The following VTI1A variants were observed in gnomAD, a reference collection of about 807,000 sequenced individuals.
VTI1A encodes vesicle transport through interaction with t-SNAREs homolog 1A.
In VTI1A, 22 loss-of-function variants were observed where a neutral mutation model predicts 34.9. That is an observed-to-expected ratio of 0.63 (90% CI 0.45 to 0.90). VTI1A has a LOEUF of 0.90. Ranked by LOEUF, VTI1A falls within the 40% of genes least tolerant of loss-of-function variation. VTI1A has a pLI of 0.00. For synonymous variants in VTI1A, 87 were observed against 97.3 expected (o/e 0.89, Z 0.62); for missense variants, 268 against 275.6 (o/e 0.97, Z 0.20).
chr10:112,541,237 T>C (rs1367548081), intron 5 of VTI1A, among the ~76,000 whole-genome samples: 3 of 152,188 alleles, frequency 2.0e-5, no homozygotes, highest in Admixed American at 2.0e-4. Context: ...TAGCCTGATA[T>C]ACTGAATTGG....
rs149102977 is a variant in VTI1A at position 112,636,088 on chromosome 10, G to A, written c.428-32130G>A. Among the ~76,000 whole-genome samples the A allele has an allele frequency of 8.9e-4, 135 of 152,338 alleles. 1 individual carries two copies. The East Asian group carries it at 0.025, about 28-fold the overall frequency. On this transcript the variant is annotated intron_variant, in intron 5 of 7. Coordinates refer to ENST00000393077, the MANE Select transcript of VTI1A (RefSeq NM_145206.4). ...TATGGGTTGAGATGAGGCAGCACCT[G>A]CAAGGGAGAGAGATCCGAGGGTTGG...
chr10:112,794,158 T>G (rs765166277), intron 7 of VTI1A, among the ~76,000 whole-genome samples: 2 of 152,162 alleles, frequency 1.3e-5, no homozygotes, highest in Non-Finnish European at 2.9e-5. Flanking sequence ...ATTTTCTGAT[T>G]ATAGAAACAG....
At chr10:112,811,683 CAAAAAAAAAAAAAAAAAAA>C (rs869030543) in intron 7 of VTI1A, among the ~76,000 whole-genome samples, 1 of 11,826 alleles carries the variant, frequency 8.5e-5, no homozygotes, top group Admixed American at 1.5e-3. Flanking sequence ...GACTCCGTCT[CAAAAAAAAAAAAAAAAAAA>C]AAAAAAAAAA....
At chr10:112,669,424 G>A (rs1346239059) in intron 7 of VTI1A, among the ~76,000 whole-genome samples, 5 of 152,246 alleles carry the variant, frequency 3.3e-5, no homozygotes, top group African/African-American at 1.2e-4. Context: ...AAGTGACGCT[G>A]TTTGGGGAAA....
At chr10:112,845,647 G>C in the VTI1A span, among the ~76,000 whole-genome samples, 1 of 152,318 alleles carries the variant, frequency 6.6e-6, no homozygotes, top group South Asian at 2.1e-4. Flanking sequence ...AGCCTCCGCG[G>C]GAGGAGGAGG....
intron 7 of VTI1A, among the ~76,000 whole-genome samples, chr10:112,711,439 C>T (rs1849412635): frequency 6.6e-6 from 1 of 152,166 alleles, no homozygotes; most frequent in Non-Finnish European, 1.5e-5. Flanking sequence ...TTTATTTAGC[C>T]TATTAAATGA....
chr10:112,546,884 G>A (rs1404064284), intron 5 of VTI1A, among the ~76,000 whole-genome samples: 1 of 152,076 alleles, frequency 6.6e-6, no homozygotes, highest in Admixed American at 6.5e-5. Flanking sequence ...GGGTTTCCTT[G>A]GGAGTCCTGT....
At chr10:112,744,901 G>A (rs1169446154) in intron 7 of VTI1A, among the ~76,000 whole-genome samples, 4 of 152,168 alleles carry the variant, frequency 2.6e-5, no homozygotes, top group Non-Finnish European at 4.4e-5. Context: ...GGTAGAACAG[G>A]TTTTGTGGGA....
chr10:112,585,862 G>A (rs930373811), intron 5 of VTI1A, among the ~76,000 whole-genome samples: 2 of 151,966 alleles, frequency 1.3e-5, no homozygotes, highest in Admixed American at 6.6e-5. Flanking sequence ...ACATTATCTA[G>A]CCTTAAAGAT....
intron 7 of VTI1A, among the ~76,000 whole-genome samples, chr10:112,797,679 A>G (rs987066602): frequency 1.4e-5 from 2 of 147,816 alleles, no homozygotes; most frequent in African/African-American, 4.9e-5. Flanking sequence ...AAAGTAGCCA[A>G]TCTGTGATGA....
rs74875430 is a variant in VTI1A at position 112,528,446 on chromosome 10, G to A, written c.342+1282G>A. On this transcript the variant is annotated intron_variant, in intron 4 of 7. Transcript: ENST00000393077. The stretch of plus-strand genomic sequence containing the variant: ...AGCTTGAGTTCAGACATGTGAACAC[G>A]TTCAGATTTGACTTGGGATTTCAGC... Among the ~76,000 whole-genome samples, 950 of 151,924 alleles carry A rather than the reference G, an allele frequency of 6.3e-3. 15 individuals are homozygous for A. Among genetic ancestry groups the A allele is most frequent in the African/African-American group, 0.022 (905 of 41,462 alleles).
chr10:112,668,792 G>T, intron 6 of VTI1A, 145 bp from the exon 7 acceptor site: 2 of 825,038 alleles, frequency 2.4e-6, no homozygotes, highest in Non-Finnish European at 3.7e-6. Context: ...CCAAGTTTGT[G>T]TAGCTGTCAG....
intron 7 of VTI1A, among the ~76,000 whole-genome samples, chr10:112,751,154 A>G (rs1000833504): frequency 6.6e-6 from 1 of 152,166 alleles, no homozygotes; most frequent in African/African-American, 2.4e-5. Context: ...TGCTTGAGCT[A>G]GTGTTTGGTG....
At chr10:112,601,581 C>T (rs963720565) in intron 5 of VTI1A, among the ~76,000 whole-genome samples, 4 of 152,132 alleles carry the variant, frequency 2.6e-5, no homozygotes, top group Admixed American at 6.5e-5. Flanking sequence ...TTCCGTGCCT[C>T]ATCCTAGGAA....
intron 5 of VTI1A, among the ~76,000 whole-genome samples, chr10:112,633,244 G>A (rs143827279): frequency 7.9e-5 from 12 of 152,292 alleles, no homozygotes; most frequent in African/African-American, 2.6e-4. Flanking sequence ...GGGTCATAGA[G>A]AATTACGGGA....
At chr10:112,478,547 G>A (rs139302793) in intron 3 of VTI1A, among the ~76,000 whole-genome samples, 20 of 152,190 alleles carry the variant, frequency 1.3e-4, no homozygotes, top group Non-Finnish European at 2.6e-4. Context: ...CTGTGGGAGC[G>A]TACACAAAGG....
At chr10:112,795,398 T>C (rs1852639124) in intron 7 of VTI1A, among the ~76,000 whole-genome samples, 1 of 151,958 alleles carries the variant, frequency 6.6e-6, no homozygotes, top group Admixed American at 6.6e-5. Flanking sequence ...TTTTTACCCT[T>C]GTTCTTTTTT....
chr10:112,789,910 C>T (rs1564926360), intron 7 of VTI1A, among the ~76,000 whole-genome samples: 1 of 149,644 alleles, frequency 6.7e-6, no homozygotes, highest in African/African-American at 2.5e-5. Context: ...CTATTGACTG[C>T]TTTTTTCCCC....
intron 7 of VTI1A, among the ~76,000 whole-genome samples, chr10:112,779,763 TAGGCATCTG>T (rs1852058795): frequency 1.8e-5 from 1 of 54,164 alleles, no homozygotes; most frequent in Admixed American, 2.0e-4. Flanking sequence ...AATCGGAAAA[TAGGCATCTG>T]AAGGATTACT....
Sources: gnomAD v4.1 joint callset for allele counts (sites outside exome capture counted in the v4.1 genomes callset) on GRCh38, gnomAD v4.1.1 for gene constraint, MANE v1.5 for transcripts, NCBI Gene and HGNC (gene_info 2026-07-23, HGNC 2026-07-21) for gene names.